SPRR2G: variants seen among roughly 807,000 people sequenced by gnomAD.
The protein encoded by SPRR2G is small proline rich protein 2G.
In SPRR2G, 1 loss-of-function variant was observed where a neutral mutation model predicts 0.7. The ratio of observed to expected loss-of-function variants is 1.49; its 90% CI spans 0.53 to 7.06. The LOEUF is 7.06. Ranked by LOEUF, SPRR2G falls within the 30% of genes most tolerant of loss-of-function variation. SPRR2G has a pLI of 0.14. For synonymous variants in SPRR2G, 38 were observed against 33.9 expected (o/e 1.12, Z -0.42); for missense variants, 96 against 88.5 (o/e 1.09, Z -0.34).
the SPRR2G span, among the ~76,000 whole-genome samples, chr1:153,165,365 C>A: frequency 3.3e-5 from 5 of 152,166 alleles, no homozygotes; most frequent in South Asian, 1.0e-3. Context: ...TAAAACTGAA[C>A]CTGGAGTAGA....
At chr1:153,183,181 A>C in the SPRR2G span, among the ~76,000 whole-genome samples, 1 of 139,928 alleles carries the variant, frequency 7.1e-6, no homozygotes, top group Non-Finnish European at 1.6e-5. Context: ...CGATTCTTTA[A>C]ATTATGTGTG....
At chr1:153,201,857 A>G in the SPRR2G span, among the ~76,000 whole-genome samples, 1 of 152,262 alleles carries the variant, frequency 6.6e-6, no homozygotes, top group Non-Finnish European at 1.5e-5. Context: ...GGCCAAAGCC[A>G]TATTTCCAAT....
chr1:153,172,500 C>G, the SPRR2G span, among the ~76,000 whole-genome samples: 1 of 152,076 alleles, frequency 6.6e-6, no homozygotes, highest in Non-Finnish European at 1.5e-5. Flanking sequence ...GCTGCCCCCA[C>G]AGAGACCCCA....
chr1:153,193,851 C>T, the SPRR2G span, among the ~76,000 whole-genome samples: 1 of 152,158 alleles, frequency 6.6e-6, no homozygotes, highest in Non-Finnish European at 1.5e-5. Context: ...CAAACTGGAA[C>T]CCCACTGGGG....
chr1:153,175,164 A>G, the SPRR2G span, among the ~76,000 whole-genome samples: 1 of 152,084 alleles, frequency 6.6e-6, no homozygotes, highest in East Asian at 1.9e-4. Context: ...ACCTTCATCC[A>G]GGTACCATCA....
At chr1:153,185,063 T>C in the SPRR2G span, among the ~76,000 whole-genome samples, 6 of 152,166 alleles carry the variant, frequency 3.9e-5, no homozygotes, top group African/African-American at 1.4e-4. Flanking sequence ...GCTGACCTGA[T>C]TGTGGTGGAT....
At chr1:153,163,650 C>T in the SPRR2G span, among the ~76,000 whole-genome samples, 1 of 152,174 alleles carries the variant, frequency 6.6e-6, no homozygotes, top group Non-Finnish European at 1.5e-5. Context: ...ATTCTGTTCT[C>T]AGCTCAGTCC....
At chr1:153,183,620 A>G in the SPRR2G span, among the ~76,000 whole-genome samples, 3,233 of 151,836 alleles carry the variant, frequency 0.021, 250 homozygotes, top group Admixed American at 0.15. Context: ...TGGATATTAG[A>G]CCTTTGTCAG....
At chr1:153,159,640 G>A in the SPRR2G span, among the ~76,000 whole-genome samples, 12 of 152,224 alleles carry the variant, frequency 7.9e-5, no homozygotes, top group African/African-American at 1.9e-4. Flanking sequence ...GATACTACCT[G>A]AAACTGGGTA....
At chr1:153,183,120 G>A in the SPRR2G span, among the ~76,000 whole-genome samples, 1 of 148,874 alleles carries the variant, frequency 6.7e-6, no homozygotes, top group Non-Finnish European at 1.5e-5. Flanking sequence ...CCAGGCTAGA[G>A]TGCAATGGCA....
the SPRR2G span, among the ~76,000 whole-genome samples, chr1:153,186,294 G>A: frequency 7.2e-5 from 11 of 152,156 alleles, no homozygotes; most frequent in Non-Finnish European, 1.6e-4. Context: ...TCATTCATCT[G>A]TCTAATACTG....
chr1:153,153,074 T>G (rs1198936507), upstream of SPRR2G, among the ~76,000 whole-genome samples: 1 of 152,136 alleles, frequency 6.6e-6, no homozygotes, highest in East Asian at 1.9e-4. Context: ...GAAACTCACA[T>G]AGTATCTACA....
chr1:153,192,406 C>T, the SPRR2G span, among the ~76,000 whole-genome samples: 1 of 152,132 alleles, frequency 6.6e-6, no homozygotes, highest in African/African-American at 2.4e-5. Flanking sequence ...CCCTTATTTC[C>T]ATGGAGGCAA....
At chr1:153,177,396 A>C in the SPRR2G span, among the ~76,000 whole-genome samples, 2 of 152,188 alleles carry the variant, frequency 1.3e-5, no homozygotes, top group African/African-American at 2.4e-5. Flanking sequence ...GCATGGTTGT[A>C]TGTTTAACTT....
chr1:153,154,729 T>C (rs1656547122), upstream of SPRR2G, among the ~76,000 whole-genome samples: 1 of 152,138 alleles, frequency 6.6e-6, no homozygotes, highest in Non-Finnish European at 1.5e-5. Context: ...TTTTATTAAT[T>C]TGAATCTTCT....
chr1:153,150,634 C>T (rs1008654658), intron 1 of SPRR2G, among the ~76,000 whole-genome samples: 1 of 152,184 alleles, frequency 6.6e-6, no homozygotes, highest in Non-Finnish European at 1.5e-5. Flanking sequence ...GTGTCTCTCA[C>T]TCTCCTTCAG....
the SPRR2G span, among the ~76,000 whole-genome samples, chr1:153,186,596 G>A: frequency 6.6e-6 from 1 of 151,458 alleles, no homozygotes; most frequent in African/African-American, 2.4e-5. Flanking sequence ...GTGTGTCTTT[G>A]CAAGTGAGAT....
chr1:153,185,559 G>A, the SPRR2G span, among the ~76,000 whole-genome samples: 2 of 152,048 alleles, frequency 1.3e-5, no homozygotes, highest in East Asian at 3.9e-4. Context: ...GATCAGTGGT[G>A]ATATCCCCTT....
the SPRR2G span, among the ~76,000 whole-genome samples, chr1:153,171,213 A>C: frequency 6.6e-6 from 1 of 152,184 alleles, no homozygotes; most frequent in Non-Finnish European, 1.5e-5. Flanking sequence ...GAATATGAGC[A>C]GGTAAACACC....
Sources: allele counts gnomAD v4.1 joint callset (sites outside exome capture counted in the v4.1 genomes callset), GRCh38; gene constraint gnomAD v4.1.1; transcripts MANE v1.5; gene names NCBI Gene and HGNC (gene_info 2026-07-23, HGNC 2026-07-21).